Variants in ATL3 observed in about 807,000 individuals in gnomAD.
The protein encoded by ATL3 is atlastin GTPase 3.
ATL3 carries 49 observed loss-of-function variants against 69.5 expected under a neutral mutation model. The observed-to-expected ratio is 0.71, with a 90% CI of 0.56 to 0.89. ATL3 has a LOEUF of 0.89. ATL3 is among the 40% of genes least tolerant of loss of function. The pLI, the probability that ATL3 is intolerant of heterozygous loss-of-function variation, is 0.00. For missense variants in ATL3, 606 were observed against 645.7 expected (o/e 0.94, Z 0.67); for synonymous variants, 214 against 224.1 (o/e 0.95, Z 0.40).
chr11:63,647,202 A>T (rs1042061454), intron 5 of ATL3, among the ~76,000 whole-genome samples: 1 of 151,620 alleles, frequency 6.6e-6, no homozygotes, highest in African/African-American at 2.4e-5. Context: ...TTTAAAAAAA[A>T]ATTTTTTTTT....
intron 5 of ATL3, among the ~76,000 whole-genome samples, chr11:63,647,255 T>C (rs1391091804): frequency 6.6e-6 from 1 of 152,208 alleles, no homozygotes; most frequent in Non-Finnish European, 1.5e-5. Context: ...TGGAGCGTAA[T>C]GGCGCGTGGC....
At chr11:63,671,417 A>G, upstream of ATL3, 1 of 1,518,202 alleles carries the variant, frequency 6.6e-7, no homozygotes, top group Non-Finnish European at 8.8e-7. Context: ...GGGCCCTGGA[A>G]GCGGGAAACG....
chr11:63,638,168 G>T (rs1307817453), intron 8 of ATL3, among the ~76,000 whole-genome samples: 2 of 152,032 alleles, frequency 1.3e-5, no homozygotes, highest in Non-Finnish European at 2.9e-5. Flanking sequence ...TTCTATGAAG[G>T]CTACACCAAA....
chr11:63,630,855 T>C (rs913274480), intron 12 of ATL3, among the ~76,000 whole-genome samples, 185 bp downstream of exon 12: 2 of 149,428 alleles, frequency 1.3e-5, no homozygotes, highest in Non-Finnish European at 3.0e-5. Flanking sequence ...AAACAAAATA[T>C]TAAGAATAAA....
chr11:63,655,627 A>G (rs1489316394), intron 3 of ATL3, among the ~76,000 whole-genome samples: 1 of 151,534 alleles, frequency 6.6e-6, no homozygotes, highest in African/African-American at 2.4e-5. Flanking sequence ...TTTTGTATTT[A>G]GTAGAGATGG....
intron 1 of ATL3, among the ~76,000 whole-genome samples, chr11:63,661,539 T>C (rs1940419217): frequency 6.6e-6 from 1 of 151,322 alleles, no homozygotes; most frequent in African/African-American, 2.4e-5. Context: ...AGGCCAGGAG[T>C]TCAAGACCAA....
At chr11:63,667,749 G>A (rs995956513) in intron 1 of ATL3, among the ~76,000 whole-genome samples, 2 of 147,804 alleles carry the variant, frequency 1.4e-5, no homozygotes, top group Non-Finnish European at 3.0e-5. Flanking sequence ...GGGTGACAGA[G>A]CGAGACTCTG....
chr11:63,653,237 C>T (rs1940136439), intron 3 of ATL3, among the ~76,000 whole-genome samples: 1 of 152,104 alleles, frequency 6.6e-6, no homozygotes, highest in Admixed American at 6.5e-5. Context: ...GAGGCCAAGG[C>T]AGGTGGATCA....
intron 8 of ATL3, among the ~76,000 whole-genome samples, chr11:63,642,110 A>G (rs747374146): frequency 1.3e-5 from 2 of 152,110 alleles, no homozygotes; most frequent in Non-Finnish European, 2.9e-5. Context: ...TTCTCTCCCT[A>G]CTCAGCTCTG....
At chr11:63,664,636 T>G (rs982243954) in intron 1 of ATL3, among the ~76,000 whole-genome samples, 1 of 151,604 alleles carries the variant, frequency 6.6e-6, no homozygotes, top group Admixed American at 6.6e-5. Flanking sequence ...TTGTTTTTTT[T>G]TTTTGAGACG....
intron 8 of ATL3, among the ~76,000 whole-genome samples, chr11:63,639,770 A>C (rs1039143635): frequency 4.6e-5 from 7 of 152,052 alleles, no homozygotes; most frequent in South Asian, 2.1e-4. Context: ...TAAATAAATA[A>C]ATACATACAT....
At chr11:63,632,231 G>A in intron 11 of ATL3, 1 of 691,978 alleles carries the variant, frequency 1.4e-6, no homozygotes, top group South Asian at 1.5e-5. Context: ...TATGCTTCGT[G>A]GTGCTCTGGG....
chr11:63,646,459 G>A lies in ATL3; in HGVS notation c.618+48C>T, dbSNP rs776857443. The A allele has an allele frequency of 1.1e-5, 14 of 1,280,592 alleles. No homozygotes were observed. In the African/African-American group the frequency reaches 1.7e-4, roughly 15 times the overall value. The allele number at this position is 1,280,592 out of a possible 1,614,324, so 79.3% of individuals were successfully genotyped here. ...TATGAGCTGTAGTTTGCCAATCTGT[G>A]AAAACAAAAACAAAGGTATGAATTA... On this transcript the variant is annotated intron_variant, in intron 6 of 12. Coordinates refer to ENST00000398868, the MANE Select transcript of ATL3 (RefSeq NM_015459.5).
At chr11:63,671,820 C>A, upstream of ATL3, 1 of 1,008,898 alleles carries the variant, frequency 9.9e-7, no homozygotes, top group Non-Finnish European at 1.2e-6. Flanking sequence ...GGTCCTCCTG[C>A]GAGCTGCGGC....
Position 63,629,228 on chromosome 11 carries a change from C to T in ATL3, c.*91G>A. On this transcript the variant is annotated 3_prime_UTR_variant, in exon 13 of 13. Coordinates refer to ENST00000398868, the MANE Select transcript of ATL3 (RefSeq NM_015459.5). Reference sequence around the variant, plus strand: ...TCTTCCTGGATCGTCTCAGATCTGCCATTCCTCTGGATATGAACCTGTGGC... The same window carrying T: ...TCTTCCTGGATCGTCTCAGATCTGCTATTCCTCTGGATATGAACCTGTGGC... The T allele has an allele frequency of 9.9e-7, 1 of 1,010,180 alleles. No homozygotes were observed. Among genetic ancestry groups the T allele is most frequent in the Non-Finnish European group, 1.6e-6 (1 of 639,826 alleles). The allele number at this position is 1,010,180 out of a possible 1,614,324, so 62.6% of individuals were successfully genotyped here.
At chr11:63,632,577 AT>A in intron 11 of ATL3, 1 of 854,832 alleles carries the variant, frequency 1.2e-6, no homozygotes, top group South Asian at 1.3e-5. Context: ...AAGGTGATAA[AT>A]CTACAGAATT....
Position 63,629,246 on chromosome 11 carries a change from C to A in ATL3, c.*73G>T. The A allele has an allele frequency of 8.1e-7, 1 of 1,229,246 alleles. No homozygotes were observed. Among genetic ancestry groups the A allele is most frequent in the Non-Finnish European group, 1.2e-6 (1 of 832,216 alleles). 76.1% of individuals were successfully genotyped at this position (1,229,246 alleles called of 1,614,324 possible). On this transcript the variant is annotated 3_prime_UTR_variant, in exon 13 of 13. Transcript: ENST00000398868. ...GATCTGCCATTCCTCTGGATATGAA[C>A]CTGTGGCCGTGGCAGAAACCCAGAA...
intron 3 of ATL3, among the ~76,000 whole-genome samples, chr11:63,658,112 T>TC (rs1745720588): frequency 6.6e-6 from 1 of 152,172 alleles, no homozygotes; most frequent in South Asian, 2.1e-4. Context: ...CACCCTGGCC[T>TC]CCCAAAGTGT....
At chr11:63,657,208 CAA>C (rs1254213240) in intron 3 of ATL3, among the ~76,000 whole-genome samples, 5 of 59,878 alleles carry the variant, frequency 8.4e-5, no homozygotes, top group Admixed American at 1.9e-4. Context: ...GACTACATCT[CAA>C]AAAAAAAAAA....
Sources: allele counts gnomAD v4.1 joint callset (sites outside exome capture counted in the v4.1 genomes callset), GRCh38; gene constraint gnomAD v4.1.1; transcripts MANE v1.5; gene names NCBI Gene and HGNC (gene_info 2026-07-23, HGNC 2026-07-21).